The following INPP4B variants were observed in gnomAD, a reference collection of about 807,000 sequenced individuals.
The protein encoded by INPP4B is inositol polyphosphate 4-phosphatase type II.
INPP4B carries 55 observed loss-of-function variants against 122.5 expected under a neutral mutation model. That is an observed-to-expected ratio of 0.45 (90% CI 0.36 to 0.56). INPP4B has a LOEUF of 0.56. Ranked by LOEUF, INPP4B falls within the 20% of genes least tolerant of loss-of-function variation. The pLI, the probability that INPP4B is intolerant of heterozygous loss-of-function variation, is 0.00. For missense variants in INPP4B, 1,000 were observed against 1,097.7 expected, an observed-to-expected ratio of 0.91 and a Z score of 1.26; for synonymous variants, 403 against 388.7, an observed-to-expected ratio of 1.04 and a Z score of -0.43.
chr4:142,736,478 C>T (rs1411970903), intron 1 of INPP4B, among the ~76,000 whole-genome samples: 1 of 152,034 alleles, frequency 6.6e-6, no homozygotes, highest in Non-Finnish European at 1.5e-5. Context: ...TTTTGTTGTG[C>T]AGTGGTTTGT....
chr4:142,144,992 T>C (rs536441437), intron 18 of INPP4B, among the ~76,000 whole-genome samples: 3 of 152,048 alleles, frequency 2.0e-5, no homozygotes, highest in African/African-American at 7.2e-5. Flanking sequence ...CTCCAAACAC[T>C]TAAAGTACCC....
At chr4:142,175,009 A>G (rs527265478) in intron 15 of INPP4B, among the ~76,000 whole-genome samples, 34 of 152,222 alleles carry the variant, frequency 2.2e-4, no homozygotes, top group African/African-American at 7.7e-4. Flanking sequence ...GATCCATTTC[A>G]TCAGGAAGAG....
In INPP4B at chr4:142,455,466, C is replaced by G. The variant is rs1232242672; in HGVS notation, c.-127+7197G>C. Among the ~76,000 whole-genome samples the G allele has an allele frequency of 2.6e-5, 4 of 151,978 alleles. No homozygotes were observed. The South Asian group carries it at 8.3e-4, about 31-fold the overall frequency. On this transcript the variant is annotated intron_variant, in intron 3 of 25. Coordinates refer to ENST00000262992, the MANE Select transcript of INPP4B (RefSeq NM_001101669.3). ...TCACTTAACATAATGATCTCCAGTT[C>G]CATCCATGTTGTGAATGAGTGGATC...
intron 1 of INPP4B, among the ~76,000 whole-genome samples, chr4:142,806,995 A>G (rs1012305766): frequency 2.0e-5 from 3 of 152,156 alleles, no homozygotes; most frequent in Non-Finnish European, 4.4e-5. Context: ...TCATCCGACA[A>G]AAAATCATAT....
chr4:142,724,989 T>A (rs1223091170), intron 2 of INPP4B, among the ~76,000 whole-genome samples: 1 of 152,154 alleles, frequency 6.6e-6, no homozygotes, highest in East Asian at 1.9e-4. Flanking sequence ...ACATACAGTG[T>A]CATCACATCT....
At chr4:142,274,672 A>G (rs1227772740) in intron 9 of INPP4B, among the ~76,000 whole-genome samples, 1 of 151,882 alleles carries the variant, frequency 6.6e-6, no homozygotes, top group Non-Finnish European at 1.5e-5. Context: ...CAAGGATACA[A>G]ATTTGATTGA....
At chr4:142,707,068 C>T (rs749445724) in intron 2 of INPP4B, among the ~76,000 whole-genome samples, 4 of 152,178 alleles carry the variant, frequency 2.6e-5, no homozygotes, top group Admixed American at 2.6e-4. Flanking sequence ...ACTAAACTGT[C>T]AAGTCCACCA....
chr4:142,362,545 T>C (rs1286255105), intron 7 of INPP4B, among the ~76,000 whole-genome samples: 7 of 152,008 alleles, frequency 4.6e-5, no homozygotes, highest in African/African-American at 7.2e-5. Flanking sequence ...TAATTAGTTA[T>C]AAGGGTAAGA....
At chr4:142,100,639 A>G (rs918047644) in intron 23 of INPP4B, among the ~76,000 whole-genome samples, 5 of 152,092 alleles carry the variant, frequency 3.3e-5, no homozygotes, top group Non-Finnish European at 7.4e-5. Context: ...TCCTAACTCA[A>G]TTGTCCTTCT....
intron 9 of INPP4B, among the ~76,000 whole-genome samples, chr4:142,284,567 G>A (rs1397069696): frequency 4.6e-5 from 7 of 152,114 alleles, no homozygotes; most frequent in Non-Finnish European, 1.0e-4. Flanking sequence ...GAACTTGTCA[G>A]ATTCTTCTTC....
At chr4:142,333,797 T>C (rs558319716) in intron 7 of INPP4B, among the ~76,000 whole-genome samples, 2 of 152,314 alleles carry the variant, frequency 1.3e-5, no homozygotes, top group South Asian at 4.2e-4. Context: ...GGTTTTGATG[T>C]ATGTATACAC....
At chr4:142,843,720 T>C (rs1347512875) in intron 1 of INPP4B, among the ~76,000 whole-genome samples, 1 of 152,022 alleles carries the variant, frequency 6.6e-6, no homozygotes, top group East Asian at 1.9e-4. Context: ...TTCTCAGATG[T>C]CAAATACTTA....
At chr4:142,411,444 T>C (rs368661473) in intron 5 of INPP4B, among the ~76,000 whole-genome samples, 4 of 152,204 alleles carry the variant, frequency 2.6e-5, no homozygotes, top group African/African-American at 9.6e-5. Flanking sequence ...TATAGTCTGA[T>C]AGAAGCATAC....
chr4:142,290,158 TGGAAC>T, intron 9 of INPP4B, among the ~76,000 whole-genome samples: 1 of 149,078 alleles, frequency 6.7e-6, no homozygotes, highest in Non-Finnish European at 1.5e-5. Context: ...CTATACCACC[TGGAAC>T]TCATCACCAC....
chr4:142,090,735 G>T (rs1392696664), intron 23 of INPP4B, among the ~76,000 whole-genome samples: 2 of 151,282 alleles, frequency 1.3e-5, no homozygotes, highest in East Asian at 3.9e-4. Flanking sequence ...GTTTAAGAAA[G>T]TATTCAGAGG....
intron 25 of INPP4B, among the ~76,000 whole-genome samples, chr4:142,060,945 G>A (rs1205957753): frequency 6.6e-6 from 1 of 152,168 alleles, no homozygotes; most frequent in African/African-American, 2.4e-5. Context: ...CTTATAAAGA[G>A]TATTAAAATG....
chr4:142,131,500 T>A (rs1314856181), intron 18 of INPP4B, among the ~76,000 whole-genome samples: 1 of 152,222 alleles, frequency 6.6e-6, no homozygotes, highest in Non-Finnish European at 1.5e-5. Flanking sequence ...AAGTGCAATT[T>A]TGCTATATGC....
At chr4:142,208,623 C>T in intron 13 of INPP4B, 94 bp from the exon 14 acceptor site, 1 of 659,242 alleles carries the variant, frequency 1.5e-6, no homozygotes, top group Non-Finnish European at 2.4e-6. Flanking sequence ...GTTAAAATAA[C>T]TTCAGAAAGA....
At chr4:142,086,450 C>T (rs1021711515) in intron 23 of INPP4B, among the ~76,000 whole-genome samples, 194 bp from the exon 24 acceptor site, 188 of 152,282 alleles carry the variant, frequency 1.2e-3, no homozygotes, top group African/African-American at 4.2e-3. Flanking sequence ...ATTTCCCAGA[C>T]TCAAGTGATC....
Sources: gnomAD v4.1 joint callset for allele counts (sites outside exome capture counted in the v4.1 genomes callset) on GRCh38, gnomAD v4.1.1 for gene constraint, MANE v1.5 for transcripts, NCBI Gene and HGNC (gene_info 2026-07-23, HGNC 2026-07-21) for gene names.